The following FBXO11 variants were observed in gnomAD, a reference collection of about 807,000 sequenced individuals.
The protein encoded by FBXO11 is F-box only protein 11.
A neutral mutation model predicts 117.0 loss-of-function variants in FBXO11; 13 were observed. That is an observed-to-expected ratio of 0.11 (90% CI 0.07 to 0.18). FBXO11 has a LOEUF of 0.18. Among genes scored for constraint, FBXO11 ranks in the 10% least tolerant of loss-of-function variants. The pLI is 1.00. For missense variants in FBXO11, 767 were observed against 1,164.4 expected (o/e 0.66, Z 4.97); for synonymous variants, 490 against 380.5 (o/e 1.29, Z -3.35).
At position 47,905,572 on chromosome 2, in the gene FBXO11, T is replaced by TGCG. The variant is rs1324822756; in HGVS notation, c.146_148dup (p.Pro49dup). The stretch of plus-strand genomic sequence containing the variant: ...CGGAGGCTGCTGCTGCTGCTGCTGC[T>TGCG]GCGGCGGCGGCGGAGGCTGCTGCTG... On this transcript the variant is annotated inframe_insertion, in exon 1 of 23. Coordinates refer to ENST00000403359, the MANE Select transcript of FBXO11 (RefSeq NM_001190274.2). 151 of 1,192,904 alleles carry TGCG rather than the reference T, an allele frequency of 1.3e-4. No individual in the cohort carries two copies. Among genetic ancestry groups the TGCG allele is most frequent in the Middle Eastern group, 6.4e-4 (2 of 3,144 alleles). The allele number at this position is 1,192,904 out of a possible 1,614,324, so 73.9% of individuals were successfully genotyped here.
At chr2:47,849,307 T>C (rs557731183) in intron 1 of FBXO11, among the ~76,000 whole-genome samples, 1 of 152,330 alleles carries the variant, frequency 6.6e-6, no homozygotes, top group East Asian at 1.9e-4. Context: ...TGTAAGCAAA[T>C]GTTTCTGATT....
rs1029924089 is a variant in FBXO11, at chr2:47,863,155, C to G, written c.233-23386G>C. On this transcript the variant is annotated intron_variant, in intron 1 of 22. Coordinates refer to ENST00000403359, the MANE Select transcript of FBXO11 (RefSeq NM_001190274.2). The stretch of plus-strand genomic sequence containing the variant: ...AAAAGTTTTCCCCTTGCCTTCAAAT[C>G]TATTTCAATATAGAAAATAAAACCA... Among the ~76,000 whole-genome samples the G allele has an allele frequency of 2.6e-5, 4 of 151,450 alleles. No individual in the cohort carries two copies. The South Asian group carries it at 8.3e-4, about 32-fold the overall frequency.
At chr2:47,889,259 G>A (rs983820953) in intron 1 of FBXO11, among the ~76,000 whole-genome samples, 4 of 152,178 alleles carry the variant, frequency 2.6e-5, no homozygotes, top group African/African-American at 9.7e-5. Context: ...CACTGTTTCA[G>A]AGAAATACAT....
intron 1 of FBXO11, among the ~76,000 whole-genome samples, chr2:47,894,016 T>C (rs1472457704): frequency 6.6e-6 from 1 of 152,190 alleles, no homozygotes; most frequent in Non-Finnish European, 1.5e-5. Context: ...GAAATGTTCC[T>C]CCTTTGCTAT....
chr2:47,821,635 T>C (rs1336308144), intron 13 of FBXO11, among the ~76,000 whole-genome samples: 1 of 144,918 alleles, frequency 6.9e-6, no homozygotes, highest in African/African-American at 2.6e-5. Context: ...AAAAGCAAAA[T>C]TGAGCCGGGC....
chr2:47,867,866 A>T (rs1675312456), intron 1 of FBXO11, among the ~76,000 whole-genome samples: 1 of 152,198 alleles, frequency 6.6e-6, no homozygotes, highest in Admixed American at 6.5e-5. Flanking sequence ...TTGAGGCTTT[A>T]AAAAAACCCA....
intron 1 of FBXO11, among the ~76,000 whole-genome samples, chr2:47,873,371 G>C (rs1464474773): frequency 6.6e-6 from 1 of 152,224 alleles, no homozygotes; most frequent in Non-Finnish European, 1.5e-5. Context: ...AGGAAGCTAA[G>C]AAGTCTAACT....
chr2:47,823,286 T>A lies in FBXO11; in HGVS notation c.1473A>T (p.Thr491=). 6.2e-7 allele frequency: 1 copy of A among 1,614,112 alleles called. No individual in the cohort carries two copies. Among genetic ancestry groups the A allele is most frequent in the Admixed American group, 1.7e-5 (1 of 60,026 alleles). ...GFEVKAYANP[T]VVRCEIHHGQ... ...CATGGTGAATTTCACATCGAACCAC[T>A]GTAGGGTTAGCATAGGCTTTTACTT... The change falls in exon 12 of 23, where the codon ACA becomes ACT. Residue 491 remains threonine, a synonymous_variant. Transcript: ENST00000403359.
At chr2:47,889,941 C>T (rs1677137833) in intron 1 of FBXO11, among the ~76,000 whole-genome samples, 1 of 152,150 alleles carries the variant, frequency 6.6e-6, no homozygotes, top group Non-Finnish European at 1.5e-5. Context: ...GTATTTACTA[C>T]CATAATCAAA....
intron 1 of FBXO11, among the ~76,000 whole-genome samples, chr2:47,854,489 G>A (rs1324504058): frequency 6.6e-6 from 1 of 151,714 alleles, no homozygotes; most frequent in Admixed American, 6.6e-5. Context: ...GGGGGGTAAA[G>A]TGAATAAAAT....
chr2:47,815,546 C>A (rs1410684796), intron 16 of FBXO11, among the ~76,000 whole-genome samples: 1 of 152,168 alleles, frequency 6.6e-6, no homozygotes, highest in African/African-American at 2.4e-5. Flanking sequence ...GTCCGCATGC[C>A]AAGGTGCCAT....
At chr2:47,825,293 A>T (rs1271395212) in intron 11 of FBXO11, among the ~76,000 whole-genome samples, 1 of 152,134 alleles carries the variant, frequency 6.6e-6, no homozygotes, top group Non-Finnish European at 1.5e-5. Flanking sequence ...TTTTAAAACA[A>T]ATCAGGAGCT....
chr2:47,901,131 G>GTATA (rs200244622), intron 1 of FBXO11, among the ~76,000 whole-genome samples: 4 of 105,650 alleles, frequency 3.8e-5, no homozygotes, highest in African/African-American at 1.3e-4. Context: ...GTGTGTACAT[G>GTATA]TATATATATA....
chr2:47,829,946 A>C (rs1031606930), intron 11 of FBXO11, among the ~76,000 whole-genome samples: 1 of 152,228 alleles, frequency 6.6e-6, no homozygotes, highest in Non-Finnish European at 1.5e-5. Context: ...TCATTAAAAA[A>C]ATGTAAAAAT....
At position 47,808,312 on chromosome 2, in the gene FBXO11, G is replaced by C. The variant is rs374404244; in HGVS notation, c.2654+17C>G. ...GGAAAGTAATTGGGTAATATATCAA[G>C]CAAGTGTGCTACATACCTATCATGT... On this transcript the variant is annotated intron_variant, in intron 22 of 22. Transcript: ENST00000403359. 1.5e-5 allele frequency: 24 copies of C among 1,612,234 alleles called. No homozygotes were observed. In the African/African-American group the frequency reaches 2.5e-4, roughly 17 times the overall value.
At position 47,818,875 on chromosome 2, in the gene FBXO11, A is replaced by T. The variant is rs759790336; in HGVS notation, c.1921-11T>A. 111 of 1,095,712 alleles carry T rather than the reference A, an allele frequency of 1.0e-4. No homozygotes were observed. Among genetic ancestry groups the T allele is most frequent in the Non-Finnish European group, 1.2e-4 (99 of 810,126 alleles). The allele number at this position is 1,095,712 out of a possible 1,614,324, so 67.9% of individuals were successfully genotyped here. A position where few individuals can be genotyped will look rare whatever the true frequency, so the allele number is the denominator to read the frequency against. On this transcript the variant is annotated splice_polypyrimidine_tract_variant and intron_variant, in intron 15 of 22. Coordinates refer to ENST00000403359, the MANE Select transcript of FBXO11 (RefSeq NM_001190274.2). ...AAAATAAACACCAACCTAAAATTTA[A>T]AAAAAAAAAAAAAGCTTTTTCAAGG...
chr2:47,811,175 C>G (rs1670585814), intron 18 of FBXO11: 1 of 152,194 alleles, frequency 6.6e-6, no homozygotes, highest in Admixed American at 6.5e-5. Flanking sequence ...CCTCATTTCC[C>G]TCTGCATACT....
intron 1 of FBXO11, among the ~76,000 whole-genome samples, chr2:47,893,852 G>A (rs775280903): frequency 2.0e-5 from 3 of 152,152 alleles, no homozygotes; most frequent in Non-Finnish European, 4.4e-5. Context: ...TAGGGATAAT[G>A]TTCAGTAAAT....
Position 47,853,824 on chromosome 2 carries a change from C to A in FBXO11, c.233-14055G>T, listed in dbSNP as rs1674068102. Among the ~76,000 whole-genome samples the A allele has an allele frequency of 2.6e-5, 4 of 152,148 alleles. No homozygotes were observed. The South Asian group carries it at 8.3e-4, about 32-fold the overall frequency. On this transcript the variant is annotated intron_variant, in intron 1 of 22. Transcript: ENST00000403359. ...ACCAAGGTCCACTCAAAATGTATTT[C>A]AAATTCCACCTGGAGGCTTAAAAAA...
Sources: gnomAD v4.1 joint callset for allele counts (sites outside exome capture counted in the v4.1 genomes callset) on GRCh38, gnomAD v4.1.1 for gene constraint, MANE v1.5 for transcripts, NCBI Gene and HGNC (gene_info 2026-07-23, HGNC 2026-07-21) for gene names.